The following PTPRU variants were observed in gnomAD, a reference collection of about 807,000 sequenced individuals.
PTPRU encodes protein tyrosine phosphatase receptor type U, also known as receptor-type tyrosine-protein phosphatase U.
Under a neutral mutation model 166.3 loss-of-function variants are expected in PTPRU, and 69 were observed. The observed-to-expected ratio is 0.41, with a 90% CI of 0.34 to 0.51. The LOEUF is 0.51. PTPRU is among the 20% of genes least tolerant of loss of function. The pLI, the probability that PTPRU is intolerant of heterozygous loss-of-function variation, is 0.09. For synonymous variants in PTPRU, 793 were observed against 814.0 expected (o/e 0.97, Z 0.44); for missense variants, 1,657 against 2,013.7 (o/e 0.82, Z 3.39).
At chr1:29,321,335 C>G (rs1574732922) in intron 26 of PTPRU, among the ~76,000 whole-genome samples, 1 of 152,186 alleles carries the variant, frequency 6.6e-6, no homozygotes, top group East Asian at 1.9e-4. Flanking sequence ...GCCACTGCCT[C>G]TGGCCACAGT....
intron 12 of PTPRU, 107 bp downstream of exon 12, chr1:29,283,056 C>A: frequency 6.8e-7 from 1 of 1,463,882 alleles, no homozygotes; most frequent in Non-Finnish European, 9.2e-7. Flanking sequence ...CGGCACTTCC[C>A]ATAGCCCCAC....
Position 29,311,356 on chromosome 1 carries a change from G to A in PTPRU, c.2858-100G>A. ...ATGAAGCCCCCGTTGGGGCTCAGGA[G>A]GCCTCCTGGCCTGGGGTGTGGTGCT... On this transcript the variant is annotated intron_variant, in intron 19 of 29. Transcript: ENST00000373779. This position sits in a 1 kb window ranked among gnomAD's most constrained non-coding sequence, Gnocchi z 4.1. The A allele has an allele frequency of 8.6e-7, 1 of 1,156,968 alleles. No individual in the cohort carries two copies. The highest frequency in any genetic ancestry group is 2.5e-5 in the East Asian group (1 of 40,794). 71.7% of individuals were successfully genotyped at this position (1,156,968 alleles called of 1,614,324 possible).
rs534675101 is a variant in PTPRU at position 29,315,092 on chromosome 1, T to C, written c.3228-280T>C. Among the ~76,000 whole-genome samples the C allele has an allele frequency of 9.2e-5, 14 of 152,318 alleles. No individual in the cohort carries two copies. Among genetic ancestry groups the C allele is most frequent in the African/African-American group, 3.1e-4 (13 of 41,576 alleles). ...TCATCATTCCTGTTCTCTCCTAATCTTAAGTTGCTAGGTTGAGCCAGTGTC... is the reference window on the plus strand; with the variant it reads ...TCATCATTCCTGTTCTCTCCTAATCCTAAGTTGCTAGGTTGAGCCAGTGTC... On this transcript the variant is annotated intron_variant, in intron 22 of 29. Coordinates refer to ENST00000373779, the MANE Select transcript of PTPRU (RefSeq NM_133178.4). This position sits in a 1 kb window ranked among gnomAD's most constrained non-coding sequence, Gnocchi z 4.5.
chr1:29,305,548 C>T, intron 18 of PTPRU, 120 bp downstream of exon 18: 2 of 1,025,944 alleles, frequency 1.9e-6, no homozygotes, highest in Non-Finnish European at 1.5e-6. Context: ...TTCGGAGTGC[C>T]CCTATCTCTG....
intron 7 of PTPRU, among the ~76,000 whole-genome samples, chr1:29,275,007 G>A (rs1296787840): frequency 6.7e-6 from 1 of 148,372 alleles, no homozygotes; most frequent in Non-Finnish European, 1.5e-5. Context: ...CCTAGATCAT[G>A]CCATTGCACT....
rs77869089 is a variant in PTPRU, at chr1:29,267,705, G to A, written c.1144+6802G>A. On this transcript the variant is annotated intron_variant, in intron 7 of 29. Coordinates refer to ENST00000373779, the MANE Select transcript of PTPRU (RefSeq NM_133178.4). ...AGCTGCAGATGTGGGACTTAGAGCC[G>A]TTGTACACAGAGAGAGCTGGGGAGC... Among the ~76,000 whole-genome samples, 1,261 of 152,314 alleles carry A rather than the reference G, an allele frequency of 8.3e-3. 17 individuals are homozygous for A. The highest frequency in any genetic ancestry group is 0.029 in the African/African-American group (1,198 of 41,554).
chr1:29,306,922 G>T (rs1283285444), intron 18 of PTPRU, among the ~76,000 whole-genome samples: 1 of 152,152 alleles, frequency 6.6e-6, no homozygotes, highest in Non-Finnish European at 1.5e-5. Flanking sequence ...TCTTGCCAAG[G>T]TCCCAGTTGG....
chr1:29,318,056 T>C (rs1687984085), intron 25 of PTPRU, 135 bp downstream of exon 25: 1 of 1,192,674 alleles, frequency 8.4e-7, no homozygotes, highest in South Asian at 1.5e-5. Flanking sequence ...GGCCTGTGTG[T>C]GACCCTCCTA....
intron 8 of PTPRU, among the ~76,000 whole-genome samples, chr1:29,277,803 CTTTTTTTTTTTTTTTTT>C (rs71586898): frequency 3.4e-4 from 17 of 50,590 alleles, no homozygotes; most frequent in African/African-American, 1.3e-3. Flanking sequence ...AGTTGTCATT[CTTTTTTTTTTTTTTTTT>C]TTTTTTTTTT....
At chr1:29,304,672 TATCATCCCACCCCCATCCTGCCTAC>T in intron 16 of PTPRU, 77 bp from the exon 17 acceptor site, 1 of 844,956 alleles carries the variant, frequency 1.2e-6, no homozygotes, top group Non-Finnish European at 1.8e-6. Flanking sequence ...ATCTGGCCCT[TATCATCCCACCCCCATCCTGCCTAC>T]ATCATCCCCA....
chr1:29,324,167 CCCATCCAT>C (rs373968731), intron 28 of PTPRU, among the ~76,000 whole-genome samples: 94 of 152,186 alleles, frequency 6.2e-4, no homozygotes, highest in African/African-American at 2.1e-3. Flanking sequence ...CATCCATCCA[CCCATCCAT>C]CCATCCATCC....
chr1:29,241,470 G>C (rs927339543), intron 1 of PTPRU, among the ~76,000 whole-genome samples: 5 of 152,056 alleles, frequency 3.3e-5, no homozygotes, highest in African/African-American at 1.2e-4. Context: ...CCAAGTGTCC[G>C]GGTATCTGAG....
chr1:29,242,343 C>T (rs933936462), intron 1 of PTPRU, among the ~76,000 whole-genome samples: 1 of 152,132 alleles, frequency 6.6e-6, no homozygotes, highest in Admixed American at 6.5e-5. Context: ...AGCCCCTTCC[C>T]TGGGACTTGC....
At chr1:29,258,857 T>C in intron 3 of PTPRU, 81 bp downstream of exon 3, 7 of 1,502,712 alleles carry the variant, frequency 4.7e-6, no homozygotes, top group Non-Finnish European at 6.2e-6. Flanking sequence ...AGTAGATGAG[T>C]GGCTGAAGTT....
At chr1:29,316,487 T>C (rs1201643187) in intron 24 of PTPRU, among the ~76,000 whole-genome samples, 1 of 152,138 alleles carries the variant, frequency 6.6e-6, no homozygotes, top group Non-Finnish European at 1.5e-5. Context: ...ATATGTCCCT[T>C]GGGGTGTTTG....
In PTPRU at chr1:29,317,021, C is replaced by A. The variant is rs552408456; in HGVS notation, c.3514-727C>A. On this transcript the variant is annotated intron_variant, in intron 24 of 29. Coordinates refer to ENST00000373779, the MANE Select transcript of PTPRU (RefSeq NM_133178.4). This position sits in a 1 kb window ranked among gnomAD's most constrained non-coding sequence, Gnocchi z 5.6. ...CCTGCAGTGGCTCAGCAGGATGGCA[C>A]GTGCTGGGGACCTGGCACTTCTCAC... Among the ~76,000 whole-genome samples the A allele has an allele frequency of 6.6e-6, 1 of 152,114 alleles. No individual in the cohort carries two copies. The highest frequency in any genetic ancestry group is 1.5e-5 in the Non-Finnish European group (1 of 68,024).
chr1:29,290,016 C>G (rs147196900), intron 14 of PTPRU, among the ~76,000 whole-genome samples: 2,834 of 152,338 alleles, frequency 0.019, 47 homozygotes, highest in Middle Eastern at 0.031. Context: ...ACCACCAGAG[C>G]AGCCCCTTAC....
rs1172931873 is a variant in PTPRU, at chr1:29,236,786, A to T, written c.73+69A>T. On this transcript the variant is annotated intron_variant, in intron 1 of 29. Coordinates refer to ENST00000373779, the MANE Select transcript of PTPRU (RefSeq NM_133178.4). This position sits in a 1 kb window ranked among gnomAD's most constrained non-coding sequence, Gnocchi z 4.6. ...GGGGCCCGTGGCGTAGCTCGGAAGAAAGTGTGAGTGTTGAGTGACCGGGCG... is the reference window on the plus strand; with the variant it reads ...GGGGCCCGTGGCGTAGCTCGGAAGATAGTGTGAGTGTTGAGTGACCGGGCG... 2 of 1,292,896 alleles carry T rather than the reference A, an allele frequency of 1.5e-6. No individual in the cohort carries two copies. Among genetic ancestry groups the T allele is most frequent in the Admixed American group, 3.8e-5 (1 of 26,268 alleles). 80.1% of individuals were successfully genotyped at this position (1,292,896 alleles called of 1,614,324 possible).
rs1230430511 is a variant in PTPRU, at chr1:29,304,766, T to C, written c.2668-8T>C. On this transcript the variant is annotated splice_region_variant and splice_polypyrimidine_tract_variant and intron_variant, in intron 16 of 29. Transcript: ENST00000373779. ...TCTCCCACTGACCACCACTTTTCTTTCTGGTAGAGCTTCTTTGAAGGCTGG... is the reference window on the plus strand; with the variant it reads ...TCTCCCACTGACCACCACTTTTCTTCCTGGTAGAGCTTCTTTGAAGGCTGG... 1 of 1,605,744 alleles carries C rather than the reference T, an allele frequency of 6.2e-7. No homozygotes were observed. Among genetic ancestry groups the C allele is most frequent in the African/African-American group, 1.3e-5 (1 of 74,762 alleles).
Sources: allele counts gnomAD v4.1 joint callset (sites outside exome capture counted in the v4.1 genomes callset), GRCh38; gene constraint gnomAD v4.1.1; non-coding constraint Gnocchi (gnomAD v3.1); transcripts MANE v1.5; gene names NCBI Gene and HGNC (gene_info 2026-07-23, HGNC 2026-07-21).